Variants in UBASH3B observed in about 807,000 individuals in gnomAD.
UBASH3B encodes the protein ubiquitin associated and SH3 domain containing B, also known as ubiquitin-associated and SH3 domain-containing protein B.
UBASH3B carries 37 observed loss-of-function variants against 83.4 expected under a neutral mutation model. The observed-to-expected ratio is 0.44, with a 90% confidence interval of 0.34 to 0.58. UBASH3B has a LOEUF of 0.58. UBASH3B is among the 20% of genes least tolerant of loss of function. The pLI is 0.01. For synonymous variants in UBASH3B, 304 were observed against 318.3 expected, an observed-to-expected ratio of 0.96 and a Z score of 0.48; for missense variants, 657 against 827.2, an observed-to-expected ratio of 0.79 and a Z score of 2.52.
At chr11:122,760,151 G>C (rs536259560) in intron 1 of UBASH3B, among the ~76,000 whole-genome samples, 2 of 152,278 alleles carry the variant, frequency 1.3e-5, no homozygotes, top group Non-Finnish European at 2.9e-5. Flanking sequence ...AGTAGCTCAT[G>C]GTCTATTGCA....
At chr11:122,774,683 T>C (rs1860702805) in intron 1 of UBASH3B, among the ~76,000 whole-genome samples, 2 of 152,132 alleles carry the variant, frequency 1.3e-5, no homozygotes, top group African/African-American at 4.8e-5. Context: ...TCATCTCTTC[T>C]CTCTCCCAAG....
At chr11:122,794,589 T>A in intron 6 of UBASH3B, 113 bp from the exon 7 acceptor site, 1 of 1,343,176 alleles carries the variant, frequency 7.4e-7, no homozygotes, top group Non-Finnish European at 1.0e-6. Flanking sequence ...CCCCCATCAT[T>A]GTGCTACCCA....
chr11:122,731,557 G>A (rs1275058289), intron 1 of UBASH3B, among the ~76,000 whole-genome samples: 7 of 152,134 alleles, frequency 4.6e-5, no homozygotes, highest in East Asian at 1.9e-4. Flanking sequence ...ACTAACAGGC[G>A]GAGAGTGCAA....
At chr11:122,667,200 C>A (rs916360997) in intron 1 of UBASH3B, among the ~76,000 whole-genome samples, 2 of 151,946 alleles carry the variant, frequency 1.3e-5, no homozygotes, top group Non-Finnish European at 2.9e-5. Context: ...CGCACCACCA[C>A]CACACCTGGC....
At chr11:122,695,077 T>C (rs531109581) in intron 1 of UBASH3B, among the ~76,000 whole-genome samples, 4 of 148,336 alleles carry the variant, frequency 2.7e-5, no homozygotes, top group Non-Finnish European at 5.9e-5. Context: ...GATTCTCCTG[T>C]CTCAGCCTCC....
chr11:122,688,621 CTTTCTTTTATTTTAT>C (rs1359946163), intron 1 of UBASH3B, among the ~76,000 whole-genome samples: 5 of 132,886 alleles, frequency 3.8e-5, no homozygotes, highest in South Asian at 2.5e-4. Flanking sequence ...TAATTTTTTT[CTTTCTTTTATTTTAT>C]TTTATTTTAT....
chr11:122,777,722 C>T lies in UBASH3B; in HGVS notation c.402+512C>T, dbSNP rs142341560. On this transcript the variant is annotated intron_variant, in intron 3 of 13. Transcript: ENST00000284273. ...AGCTGTCAGAAAGCTTATCTACTGA[C>T]CAATTTTTGTTGTTGTTGTTGTTTT... 5.4e-3 allele frequency among the ~76,000 whole-genome samples: 815 copies of T among 152,126 alleles called. 7 individuals carry two copies. Among genetic ancestry groups the T allele is most frequent in the African/African-American group, 0.019 (790 of 41,482 alleles).
chr11:122,807,670 C>T (rs1861364674), intron 12 of UBASH3B, among the ~76,000 whole-genome samples: 1 of 152,096 alleles, frequency 6.6e-6, no homozygotes, highest in Non-Finnish European at 1.5e-5. Context: ...CCCACATCAG[C>T]CTCCCAAGTA....
intron 1 of UBASH3B, among the ~76,000 whole-genome samples, chr11:122,665,624 TCTC>T (rs1469988533): frequency 6.6e-5 from 10 of 152,224 alleles, no homozygotes; most frequent in Admixed American, 3.9e-4. Context: ...GTCAAATTCT[TCTC>T]CTCTCCCTTT....
At chr11:122,755,233 CA>C (rs1490684072) in intron 1 of UBASH3B, among the ~76,000 whole-genome samples, 6 of 152,204 alleles carry the variant, frequency 3.9e-5, no homozygotes, top group Admixed American at 3.9e-4. Context: ...TGCACGTCAC[CA>C]GGAGTTCAGT....
chr11:122,715,375 G>T lies in UBASH3B; in HGVS notation c.161+59165G>T, dbSNP rs555287750. ...AGACCTTGCATTGCTGCCATCAAAA[G>T]TTGCCTCCTTCAAAACAGTTGTAGC... On this transcript the variant is annotated intron_variant, in intron 1 of 13. Transcript: ENST00000284273. 7.2e-5 allele frequency among the ~76,000 whole-genome samples: 11 copies of T among 152,378 alleles called. No homozygotes were observed. In the East Asian group the frequency reaches 2.1e-3, roughly 29 times the overall value.
At chr11:122,764,079 C>T (rs1306350829) in intron 1 of UBASH3B, among the ~76,000 whole-genome samples, 2 of 152,260 alleles carry the variant, frequency 1.3e-5, no homozygotes, top group African/African-American at 2.4e-5. Flanking sequence ...GTTTGAGTGT[C>T]GTTGGAAGGA....
At chr11:122,678,360 C>T (rs1276178057) in intron 1 of UBASH3B, among the ~76,000 whole-genome samples, 2 of 152,224 alleles carry the variant, frequency 1.3e-5, no homozygotes, top group Admixed American at 6.5e-5. Flanking sequence ...CCTCTCTGCC[C>T]TTCTTTCCAT....
intron 3 of UBASH3B, 62 bp downstream of exon 3, chr11:122,777,272 G>A (rs1282412187): frequency 1.3e-6 from 2 of 1,525,622 alleles, no homozygotes; most frequent in Non-Finnish European, 1.8e-6. Context: ...CGGCCCTTTG[G>A]GACCTGGAGC....
Position 122,812,942 on chromosome 11 carries a change from T to C in UBASH3B, c.*3056T>C, listed in dbSNP as rs897271900. 1 of 152,626 alleles carries C rather than the reference T, an allele frequency of 6.6e-6. No individual in the cohort carries two copies. Among genetic ancestry groups the C allele is most frequent in the Admixed American group, 6.5e-5 (1 of 15,282 alleles). The allele number at this position is 152,626 out of a possible 1,614,324, so 9.5% of individuals were successfully genotyped here. ...TTCCATTACATTTAGATTCATAGAA[T>C]CTGAATGGCTGATTAAATGGCCATC... is the stretch of plus-strand genomic sequence containing the variant. On this transcript the variant is annotated 3_prime_UTR_variant, in exon 14 of 14. Transcript: ENST00000284273.
At chr11:122,774,084 C>T (rs1227161741) in intron 1 of UBASH3B, 3 of 985,088 alleles carry the variant, frequency 3.0e-6, no homozygotes, top group East Asian at 1.1e-4. Context: ...GATGTGTGGC[C>T]TCTGATTGTC....
At chr11:122,697,131 G>A (rs1463674313) in intron 1 of UBASH3B, among the ~76,000 whole-genome samples, 3 of 152,172 alleles carry the variant, frequency 2.0e-5, no homozygotes, top group African/African-American at 7.2e-5. Flanking sequence ...AGTTTTGTTT[G>A]ACTGCTAAGA....
chr11:122,710,080 C>T lies in UBASH3B; in HGVS notation c.161+53870C>T, dbSNP rs147836117. On this transcript the variant is annotated intron_variant, in intron 1 of 13. Transcript: ENST00000284273. ...CTGAGGCAGGAGAATTGCTTGAACC[C>T]AGGAGGCAGAGGCTGCAGTGAGCCG... 8.9e-3 allele frequency among the ~76,000 whole-genome samples: 1,324 copies of T among 148,448 alleles called. 22 individuals carry two copies. The highest frequency in any genetic ancestry group is 0.031 in the African/African-American group (1,238 of 40,024).
At chr11:122,747,389 G>A (rs1222923589) in intron 1 of UBASH3B, among the ~76,000 whole-genome samples, 1 of 152,184 alleles carries the variant, frequency 6.6e-6, no homozygotes, top group Non-Finnish European at 1.5e-5. Context: ...TTGGGGAAAT[G>A]TTATTCTCTC....
Sources: allele counts gnomAD v4.1 joint callset (sites outside exome capture counted in the v4.1 genomes callset), GRCh38; gene constraint gnomAD v4.1.1; transcripts MANE v1.5; gene names NCBI Gene and HGNC (gene_info 2026-07-23, HGNC 2026-07-21).